Variants in C5orf46 observed in about 807,000 individuals in gnomAD.
C5orf46 encodes chromosome 5 open reading frame 46.
A neutral mutation model predicts 8.9 loss-of-function variants in C5orf46; 9 were observed. The ratio of observed to expected loss-of-function variants is 1.01; its 90% CI spans 0.61 to 1.76. The LOEUF (loss-of-function observed/expected upper bound fraction) is 1.76. Ranked by LOEUF, C5orf46 falls within the 40% of genes most tolerant of loss-of-function variation. The pLI is 0.00. For synonymous variants in C5orf46, 47 were observed against 41.4 expected (o/e 1.14, Z -0.52); for missense variants, 98 against 107.8 (o/e 0.91, Z 0.40).
rs1782843418 is a variant in C5orf46, at chr5:147,897,003, G to A, written c.254C>T (p.Ser85Leu). ...AATCACCTGAGGATGTCACTTTGATGAATGTTTTCCTTCATTATCATCAAA... is the reference window on the plus strand; with the variant it reads ...AATCACCTGAGGATGTCACTTTGATAAATGTTTTCCTTCATTATCATCAAA... Reference protein sequence around the residue: ...MEFDDNEGKHSSK With the variant: ...MEFDDNEGKHLSK The change falls in exon 3 of 4, where the codon TCA becomes TTA. Residue 85 changes from serine (S) to leucine (L), a missense_variant. Coordinates refer to ENST00000318315, the MANE Select transcript of C5orf46 (RefSeq NM_206966.3). The A allele has an allele frequency of 6.6e-7, 1 of 1,511,284 alleles. No individual in the cohort carries two copies. Among genetic ancestry groups the A allele is most frequent in the Non-Finnish European group, 9.1e-7 (1 of 1,103,218 alleles). 93.6% of individuals were successfully genotyped at this position (1,511,284 alleles called of 1,614,324 possible). A position where few individuals can be genotyped will look rare whatever the true frequency, so the allele number is the denominator to read the frequency against.
chr5:147,886,672 C>T (rs989009113), intron 2 of C5orf46: 5 of 151,030 alleles, frequency 3.3e-5, no homozygotes, highest in Non-Finnish European at 7.4e-5. Flanking sequence ...ATACATTGCA[C>T]ATATGAATGA....
chr5:147,897,633 A>G (rs1448389294), intron 2 of C5orf46, among the ~76,000 whole-genome samples: 1 of 152,252 alleles, frequency 6.6e-6, no homozygotes, highest in Non-Finnish European at 1.5e-5. Flanking sequence ...GACAACTCAG[A>G]TACAAGTAAT....
chr5:147,888,269 T>A (rs1757452261), downstream of C5orf46, among the ~76,000 whole-genome samples: 1 of 152,224 alleles, frequency 6.6e-6, no homozygotes, highest in Non-Finnish European at 1.5e-5. Flanking sequence ...GGCTGGCTTC[T>A]TGCTTTACTC....
intron 3 of C5orf46, 121 bp downstream of exon 3, chr5:147,896,863 G>A (rs1420723910): frequency 2.3e-6 from 1 of 434,080 alleles, no homozygotes; most frequent in African/African-American, 2.1e-5. Context: ...TTTTTAAAAT[G>A]TACTTTTTCT....
rs1241697928 is a variant in C5orf46, at chr5:147,886,550, T to C, written n.205-5456A>G. The C allele has an allele frequency of 4.0e-5, 6 of 151,172 alleles. No homozygotes were observed. In the East Asian group the frequency reaches 1.2e-3, roughly 29 times the overall value. The allele number at this position is 151,172 out of a possible 1,614,324, so 9.4% of individuals were successfully genotyped here. On this transcript the variant is annotated intron_variant and non_coding_transcript_variant, in intron 2 of 2. Coordinates refer to the C5orf46 transcript ENST00000510432. ...AACTGTAGTTACATATATGCATATA[T>C]GTAACTTTCATTCTCTTCATCCATA... is the stretch of plus-strand genomic sequence containing the variant.
At chr5:147,893,282 T>G (rs1317098091) in intron 3 of C5orf46, among the ~76,000 whole-genome samples, 1 of 121,538 alleles carries the variant, frequency 8.2e-6, no homozygotes, top group African/African-American at 4.0e-5. Context: ...CACATAAATC[T>G]TTTTTTTTTT....
At chr5:147,897,863 G>A (rs952475132) in intron 2 of C5orf46, among the ~76,000 whole-genome samples, 75 of 152,074 alleles carry the variant, frequency 4.9e-4, no homozygotes, top group African/African-American at 1.7e-3. Flanking sequence ...AAAATCACAC[G>A]CACAGATATT....
downstream of C5orf46, among the ~76,000 whole-genome samples, chr5:147,891,870 C>G (rs1037257093): frequency 6.6e-6 from 1 of 152,196 alleles, no homozygotes; most frequent in African/African-American, 2.4e-5. Flanking sequence ...TAGGAATTCA[C>G]TCTTGGTTTA....
intron 3 of C5orf46, among the ~76,000 whole-genome samples, chr5:147,893,183 T>C (rs746488635): frequency 2.6e-5 from 4 of 151,822 alleles, no homozygotes; most frequent in Non-Finnish European, 5.9e-5. Flanking sequence ...AGGGAGAATG[T>C]ACATTGAATA....
chr5:147,898,684 AGTC>A (rs1223254244), intron 2 of C5orf46, among the ~76,000 whole-genome samples: 1 of 152,264 alleles, frequency 6.6e-6, no homozygotes, highest in African/African-American at 2.4e-5. Flanking sequence ...CATGAAGAAA[AGTC>A]AAATAAAAAG....
downstream of C5orf46, among the ~76,000 whole-genome samples, chr5:147,891,835 G>T (rs1348044499): frequency 2.0e-5 from 3 of 152,160 alleles, no homozygotes; most frequent in Admixed American, 1.3e-4. Context: ...ATTGTAGAAA[G>T]TAACATGCAT....
At chr5:147,891,353 T>C (rs1183911142), downstream of C5orf46, among the ~76,000 whole-genome samples, 3 of 152,086 alleles carry the variant, frequency 2.0e-5, no homozygotes, top group African/African-American at 4.8e-5. Context: ...ATGGGTCTTA[T>C]TGGAGGGTAG....
intron 2 of C5orf46, among the ~76,000 whole-genome samples, chr5:147,898,014 G>A (rs1193663812): frequency 6.6e-6 from 1 of 152,146 alleles, no homozygotes; most frequent in Non-Finnish European, 1.5e-5. Flanking sequence ...GCATTTGCTT[G>A]AATTTTGGAG....
chr5:147,897,064 A>C (rs1223754046), intron 2 of C5orf46, 23 bp from the exon 3 acceptor site: 1 of 1,250,720 alleles, frequency 8.0e-7, no homozygotes, highest in Non-Finnish European at 1.1e-6. Flanking sequence ...AGAGAAAATA[A>C]GAATTACAAT....
chr5:147,905,257 A>G (rs1361449071), intron 1 of C5orf46, among the ~76,000 whole-genome samples: 1 of 152,210 alleles, frequency 6.6e-6, no homozygotes, highest in Non-Finnish European at 1.5e-5. Context: ...TAGAGTTTTA[A>G]TAGTTTACAA....
At chr5:147,888,120 G>T (rs906827829), downstream of C5orf46, among the ~76,000 whole-genome samples, 1 of 152,140 alleles carries the variant, frequency 6.6e-6, no homozygotes, top group African/African-American at 2.4e-5. Context: ...ACTCCTACGA[G>T]TCATTCCTGA....
intron 3 of C5orf46, among the ~76,000 whole-genome samples, chr5:147,894,460 C>T (rs1281628653): frequency 6.6e-6 from 1 of 152,158 alleles, no homozygotes; most frequent in Non-Finnish European, 1.5e-5. Flanking sequence ...TACTGTACCT[C>T]TCTCTACTCA....
rs961881545 is a variant in C5orf46, at chr5:147,893,806, G to A, written c.*10-867C>T. 5.3e-5 allele frequency among the ~76,000 whole-genome samples: 8 copies of A among 152,208 alleles called. No homozygotes were observed. In the South Asian group the frequency reaches 6.2e-4, roughly 12 times the overall value. ...ATCTGCCCGCTCGGCCTCCCAAAGCGCTGGGATTTGGTAGGCACCTGTAAT... is the reference window on the plus strand; with the variant it reads ...ATCTGCCCGCTCGGCCTCCCAAAGCACTGGGATTTGGTAGGCACCTGTAAT... On this transcript the variant is annotated intron_variant, in intron 3 of 3. Coordinates refer to ENST00000318315, the MANE Select transcript of C5orf46 (RefSeq NM_206966.3).
At chr5:147,901,855 C>G (rs1355947024) in intron 1 of C5orf46, 82 bp from the exon 2 acceptor site, 1 of 1,448,288 alleles carries the variant, frequency 6.9e-7, no homozygotes, top group African/African-American at 1.4e-5. Context: ...GCTTGGGATT[C>G]TTTCTGACCC....
Sources: allele counts gnomAD v4.1 joint callset (sites outside exome capture counted in the v4.1 genomes callset), GRCh38; gene constraint gnomAD v4.1.1; transcripts MANE v1.5; gene names NCBI Gene and HGNC (gene_info 2026-07-23, HGNC 2026-07-21).